Variants in KIAA1217 observed in about 807,000 individuals in gnomAD.
KIAA1217 encodes the protein KIAA1217, also known as sickle tail protein homolog.
Under a neutral mutation model 163.9 loss-of-function variants are expected in KIAA1217, and 88 were observed. The ratio of observed to expected loss-of-function variants is 0.54; its 90% CI spans 0.45 to 0.64. The LOEUF is 0.64. KIAA1217 is among the 30% of genes least tolerant of loss of function. The pLI is 0.00. For synonymous variants in KIAA1217, 903 were observed against 923.1 expected, an observed-to-expected ratio of 0.98 and a Z score of 0.39; for missense variants, 2,372 against 2,475.0, an observed-to-expected ratio of 0.96 and a Z score of 0.88.
chr10:24,442,284 T>A (rs1270026069), intron 5 of KIAA1217, among the ~76,000 whole-genome samples: 1 of 152,234 alleles, frequency 6.6e-6, no homozygotes, highest in African/African-American at 2.4e-5. Context: ...ACACCTCAGC[T>A]TCCTTCATTC....
chr10:23,882,954 G>T (rs1254578801), intron 1 of KIAA1217, among the ~76,000 whole-genome samples: 1 of 151,912 alleles, frequency 6.6e-6, no homozygotes, highest in Non-Finnish European at 1.5e-5. Context: ...ATTCTGGTGG[G>T]AGAGTTTACA....
chr10:24,237,948 A>G (rs1024378573), intron 2 of KIAA1217, among the ~76,000 whole-genome samples: 1 of 152,250 alleles, frequency 6.6e-6, no homozygotes, highest in Admixed American at 6.5e-5. Flanking sequence ...GAGAGGATCC[A>G]AAGCGTTTAC....
At chr10:24,528,230 C>A (rs2072501933) in intron 14 of KIAA1217, 111 bp downstream of exon 14, 2 of 790,420 alleles carry the variant, frequency 2.5e-6, no homozygotes. Context: ...TCAGTTCTTA[C>A]AAATCTTACA....
At chr10:23,806,288 C>T (rs1366671637) in intron 1 of KIAA1217, among the ~76,000 whole-genome samples, 1 of 151,994 alleles carries the variant, frequency 6.6e-6, no homozygotes, top group East Asian at 1.9e-4. Context: ...TAAAAGGATG[C>T]ATATTTAAGA....
At chr10:23,722,910 GCTGTTCCT>G (rs368898875) in intron 1 of KIAA1217, among the ~76,000 whole-genome samples, 164 of 152,310 alleles carry the variant, frequency 1.1e-3, no homozygotes, top group African/African-American at 3.7e-3. Flanking sequence ...CCTGGGTCCA[GCTGTTCCT>G]CTGTTCCTCC....
At chr10:24,513,116 G>T in intron 9 of KIAA1217, 143 bp from the exon 10 acceptor site, 1 of 769,008 alleles carries the variant, frequency 1.3e-6, no homozygotes, top group Non-Finnish European at 2.1e-6. Flanking sequence ...TACAGTCTTT[G>T]CTCCCTTTCC....
chr10:24,282,256 A>T (rs2132241299), intron 2 of KIAA1217, among the ~76,000 whole-genome samples: 1 of 152,144 alleles, frequency 6.6e-6, no homozygotes, highest in Middle Eastern at 3.4e-3. Flanking sequence ...TATTGCTATA[A>T]ATATTAGCTT....
At chr10:24,456,144 C>T (rs2061765051) in intron 5 of KIAA1217, among the ~76,000 whole-genome samples, 2 of 152,182 alleles carry the variant, frequency 1.3e-5, no homozygotes, top group Admixed American at 6.5e-5. Flanking sequence ...CCTCGGCCTC[C>T]CAAAGTGCTG....
At chr10:24,373,346 G>T (rs1389791952) in intron 2 of KIAA1217, among the ~76,000 whole-genome samples, 1 of 152,086 alleles carries the variant, frequency 6.6e-6, no homozygotes, top group Non-Finnish European at 1.5e-5. Context: ...GCGCAATTAG[G>T]AACTTCCTCC....
At chr10:24,431,232 T>TTC (rs2059580832) in intron 3 of KIAA1217, among the ~76,000 whole-genome samples, 1 of 152,230 alleles carries the variant, frequency 6.6e-6, no homozygotes, top group African/African-American at 2.4e-5. Flanking sequence ...ATTCATTCTT[T>TTC]TCTCTTTTGA....
intron 1 of KIAA1217, among the ~76,000 whole-genome samples, chr10:23,852,477 A>C (rs545357221): frequency 7.4e-4 from 112 of 152,316 alleles, no homozygotes; most frequent in African/African-American, 2.4e-3. Context: ...CTTTTGGCTT[A>C]GGATTGACTT....
intron 1 of KIAA1217, among the ~76,000 whole-genome samples, chr10:23,943,000 T>C (rs965697748): frequency 1.3e-4 from 19 of 151,422 alleles, no homozygotes; most frequent in Non-Finnish European, 7.4e-5. Context: ...CACACATACC[T>C]GTAGCCCCCA....
intron 2 of KIAA1217, among the ~76,000 whole-genome samples, chr10:24,017,681 T>C (rs1589239794): frequency 6.6e-6 from 1 of 152,092 alleles, no homozygotes; most frequent in South Asian, 2.1e-4. Context: ...ACTGCACTGT[T>C]GCAAAAGTAG....
intron 2 of KIAA1217, among the ~76,000 whole-genome samples, chr10:24,018,138 A>T (rs1015079056): frequency 1.6e-4 from 23 of 143,634 alleles, no homozygotes; most frequent in Admixed American, 5.5e-4. Flanking sequence ...GCTTCATATT[A>T]AAAAAAAAAT....
At chr10:24,376,734 C>G (rs1342014489) in intron 2 of KIAA1217, among the ~76,000 whole-genome samples, 2 of 152,122 alleles carry the variant, frequency 1.3e-5, no homozygotes, top group Non-Finnish European at 2.9e-5. Context: ...TGCACTCCAG[C>G]CTGGGCAATA....
chr10:23,724,520 A>G (rs1016931908), intron 1 of KIAA1217, among the ~76,000 whole-genome samples: 6 of 152,150 alleles, frequency 3.9e-5, no homozygotes, highest in African/African-American at 1.4e-4. Flanking sequence ...TATCCAAGGT[A>G]TTTTTACAAT....
intron 2 of KIAA1217, among the ~76,000 whole-genome samples, chr10:24,029,292 T>A (rs1385091748): frequency 6.6e-6 from 1 of 152,150 alleles, no homozygotes; most frequent in Non-Finnish European, 1.5e-5. Flanking sequence ...TGGACACTGC[T>A]CTATTTTTCT....
chr10:24,448,385 C>T (rs2061135215), intron 5 of KIAA1217, among the ~76,000 whole-genome samples: 1 of 151,944 alleles, frequency 6.6e-6, no homozygotes, highest in Admixed American at 6.6e-5. Flanking sequence ...TTTTATTTTG[C>T]TTTATTTTTA....
At chr10:24,523,615 T>G (rs2071634196) in intron 12 of KIAA1217, among the ~76,000 whole-genome samples, 1 of 152,210 alleles carries the variant, frequency 6.6e-6, no homozygotes, top group African/African-American at 2.4e-5. Flanking sequence ...CGACAGGTCC[T>G]GAGGAAGTCA....
Sources: allele counts gnomAD v4.1 joint callset (sites outside exome capture counted in the v4.1 genomes callset), GRCh38; gene constraint gnomAD v4.1.1; transcripts MANE v1.5; gene names NCBI Gene and HGNC (gene_info 2026-07-23, HGNC 2026-07-21).